CRISPLD2: variants seen among roughly 807,000 people sequenced by gnomAD.
CRISPLD2 encodes the protein cysteine-rich secretory protein LCCL domain-containing 2.
A neutral mutation model predicts 71.1 loss-of-function variants in CRISPLD2; 47 were observed. The observed-to-expected ratio is 0.66, with a 90% CI of 0.52 to 0.84. The LOEUF is 0.84. CRISPLD2 is among the 40% of genes least tolerant of loss of function. CRISPLD2 has a pLI of 0.00. For missense variants in CRISPLD2, 830 were observed against 651.1 expected (o/e 1.27, Z -2.99); for synonymous variants, 317 against 250.1 (o/e 1.27, Z -2.52).
At chr16:84,868,558 A>T (rs953309609) in intron 7 of CRISPLD2, among the ~76,000 whole-genome samples, 1 of 152,172 alleles carries the variant, frequency 6.6e-6, no homozygotes, top group African/African-American at 2.4e-5. Context: ...TTCTCTCTCA[A>T]GGTTCACAAA....
At chr16:84,834,828 C>T (rs1472398843) in intron 1 of CRISPLD2, among the ~76,000 whole-genome samples, 1 of 152,066 alleles carries the variant, frequency 6.6e-6, no homozygotes, top group Non-Finnish European at 1.5e-5. Context: ...CTCTGCGTGT[C>T]TCGGTCCTAA....
chr16:84,901,787 CTTTTTTTTTTT>C lies in CRISPLD2; in HGVS notation c.1440-4787_1440-4777del, dbSNP rs760025598. 5.7e-5 allele frequency among the ~76,000 whole-genome samples: 5 copies of C among 87,850 alleles called. No individual in the cohort carries two copies. The South Asian group carries it at 1.9e-3, about 33-fold the overall frequency. 57.6% of individuals were successfully genotyped at this position (87,850 alleles called of 152,430 possible). A position where few individuals can be genotyped will look rare whatever the true frequency, so the allele number is the denominator to read the frequency against. ...GCCACTGCACCTGGCACTGGTTGCA[CTTTTTTTTTTT>C]TTTTTTTTTTTTTGATGCAGAGTCT... On this transcript the variant is annotated intron_variant, in intron 14 of 14. Coordinates refer to ENST00000262424, the MANE Select transcript of CRISPLD2 (RefSeq NM_031476.4).
chr16:84,863,990 G>A (rs2875919), intron 6 of CRISPLD2, among the ~76,000 whole-genome samples: 10 of 124,310 alleles, frequency 8.0e-5, no homozygotes, highest in Non-Finnish European at 1.4e-4. Flanking sequence ...GAAAGAGAGA[G>A]AGAAAAAAAA....
chr16:84,851,546 G>A (rs1398690960), intron 5 of CRISPLD2, among the ~76,000 whole-genome samples: 2 of 152,238 alleles, frequency 1.3e-5, no homozygotes, highest in Admixed American at 1.3e-4. Context: ...AAGGTGGGAT[G>A]AAGGGGGAAT....
chr16:84,843,275 T>C (rs1797620727), intron 2 of CRISPLD2, among the ~76,000 whole-genome samples: 1 of 152,194 alleles, frequency 6.6e-6, no homozygotes, highest in South Asian at 2.1e-4. Context: ...AGCACTGCGC[T>C]GCATTGCCCC....
intron 1 of CRISPLD2, among the ~76,000 whole-genome samples, chr16:84,830,112 C>T (rs1215162106): frequency 1.3e-5 from 2 of 151,984 alleles, no homozygotes; most frequent in African/African-American, 2.4e-5. Context: ...CACTTAAGCT[C>T]GGGAGTTCGA....
chr16:84,838,770 G>C (rs184750798), intron 2 of CRISPLD2, 35 bp downstream of exon 2: 1 of 1,588,862 alleles, frequency 6.3e-7, no homozygotes. Context: ...GGCTGGCACC[G>C]GGGGTGGGGC....
chr16:84,832,661 G>A (rs543531774), intron 1 of CRISPLD2, among the ~76,000 whole-genome samples: 1 of 152,378 alleles, frequency 6.6e-6, no homozygotes, highest in South Asian at 2.1e-4. Flanking sequence ...AGTGAAGCGG[G>A]GCATGTCGGG....
chr16:84,858,289 C>G (rs1361520305), intron 6 of CRISPLD2, among the ~76,000 whole-genome samples: 1 of 152,214 alleles, frequency 6.6e-6, no homozygotes. Flanking sequence ...CCACTCAAAA[C>G]TGGCAGCCTT....
chr16:84,855,152 A>G (rs1597460626), intron 6 of CRISPLD2, among the ~76,000 whole-genome samples: 1 of 152,280 alleles, frequency 6.6e-6, no homozygotes, highest in East Asian at 1.9e-4. Context: ...ACAGTTTCAT[A>G]TAAAATAGGC....
At chr16:84,833,961 G>A (rs1455002822) in intron 1 of CRISPLD2, among the ~76,000 whole-genome samples, 1 of 152,226 alleles carries the variant, frequency 6.6e-6, no homozygotes, top group Non-Finnish European at 1.5e-5. Flanking sequence ...GCATGGGTTG[G>A]TGGGGGTGCT....
chr16:84,862,823 G>C (rs918070753), intron 6 of CRISPLD2, among the ~76,000 whole-genome samples: 28 of 151,960 alleles, frequency 1.8e-4, no homozygotes, highest in Non-Finnish European at 1.5e-5. Flanking sequence ...AGAACAAGTG[G>C]GCTAGATCAG....
chr16:84,823,809 A>T (rs1225075561), intron 1 of CRISPLD2, among the ~76,000 whole-genome samples: 1 of 152,220 alleles, frequency 6.6e-6, no homozygotes, highest in Non-Finnish European at 1.5e-5. Flanking sequence ...CAATTTCCGG[A>T]CCATCATTTT....
chr16:84,871,005 C>G (rs1204767564), intron 8 of CRISPLD2, among the ~76,000 whole-genome samples: 2 of 152,090 alleles, frequency 1.3e-5, no homozygotes, highest in Admixed American at 6.5e-5. Flanking sequence ...CTGCAATGAG[C>G]CGAGGTGTAC....
rs147043998 is a variant in CRISPLD2 at position 84,882,960 on chromosome 16, C to T, written c.1305+2376C>T. Among the ~76,000 whole-genome samples, 113 of 152,220 alleles carry T rather than the reference C, an allele frequency of 7.4e-4. 1 individual carries two copies. The highest frequency in any genetic ancestry group is 2.5e-3 in the African/African-American group (103 of 41,542). The stretch of plus-strand genomic sequence containing the variant: ...TCATAGCTACACTGATATGAACAGG[C>T]GTGAGGGGAAAAAGCTATGTGCAGT... On this transcript the variant is annotated intron_variant, in intron 13 of 14. Transcript: ENST00000262424.
intron 13 of CRISPLD2, among the ~76,000 whole-genome samples, chr16:84,881,262 C>T (rs561177777): frequency 6.6e-6 from 1 of 152,340 alleles, no homozygotes; most frequent in South Asian, 2.1e-4. Context: ...CTCAGTTATG[C>T]ACACACTTAG....
Position 84,908,714 on chromosome 16 carries a change from A to G in CRISPLD2, c.*2072A>G, listed in dbSNP as rs2071826827. The G allele has an allele frequency of 8.1e-6, 1 of 123,870 alleles. No individual in the cohort carries two copies. The highest frequency in any genetic ancestry group is 3.2e-5 in the African/African-American group (1 of 31,366). The allele number at this position is 123,870 out of a possible 1,614,324, so 7.7% of individuals were successfully genotyped here. ...TTTTTTTTTTTTTTTCCCGAGACCA[A>G]GTTTCACTCTGTTGCCCAAGGTAGA... On this transcript the variant is annotated 3_prime_UTR_variant, in exon 15 of 15. Coordinates refer to ENST00000262424, the MANE Select transcript of CRISPLD2 (RefSeq NM_031476.4).
chr16:84,889,183 T>C lies in CRISPLD2; in HGVS notation c.1306-47T>C, dbSNP rs753421277. On this transcript the variant is annotated intron_variant, in intron 13 of 14. Transcript: ENST00000262424. ...ATGGAGCCCCAGCTGGCTTGACCCA[T>C]GAGCTGGAATCCGCATCGCTGATCA... The C allele has an allele frequency of 5.0e-6, 8 of 1,612,432 alleles. No individual in the cohort carries two copies. In the Admixed American group the frequency reaches 1.0e-4, roughly 20 times the overall value.
At chr16:84,826,433 C>A (rs1916353719) in intron 1 of CRISPLD2, among the ~76,000 whole-genome samples, 2 of 152,194 alleles carry the variant, frequency 1.3e-5, no homozygotes, top group Admixed American at 6.5e-5. Flanking sequence ...ACGTTTCATG[C>A]CCCTATGTGC....
Sources: gnomAD v4.1 joint callset for allele counts (sites outside exome capture counted in the v4.1 genomes callset) on GRCh38, gnomAD v4.1.1 for gene constraint, MANE v1.5 for transcripts, NCBI Gene and HGNC (gene_info 2026-07-23, HGNC 2026-07-21) for gene names.